MACROD2: variants seen among roughly 807,000 people sequenced by gnomAD.
The protein encoded by MACROD2 is ADP-ribose glycohydrolase MACROD2.
A neutral mutation model predicts 70.4 loss-of-function variants in MACROD2; 36 were observed. The ratio of observed to expected loss-of-function variants is 0.51; its 90% CI spans 0.39 to 0.68. The LOEUF (loss-of-function observed/expected upper bound fraction) is 0.68. Ranked by LOEUF, MACROD2 falls within the 30% of genes least tolerant of loss-of-function variation. The pLI is 0.00. For synonymous variants in MACROD2, 172 were observed against 178.8 expected (o/e 0.96, Z 0.30); for missense variants, 496 against 538.4 (o/e 0.92, Z 0.78).
chr20:14,572,053 G>C (rs1471836990), intron 4 of MACROD2, among the ~76,000 whole-genome samples: 1 of 152,012 alleles, frequency 6.6e-6, no homozygotes, highest in Non-Finnish European at 1.5e-5. Flanking sequence ...TAGGATCCCA[G>C]ACCTCTTGAC....
At chr20:15,095,452 A>G (rs1024346123) in intron 5 of MACROD2, among the ~76,000 whole-genome samples, 4 of 151,926 alleles carry the variant, frequency 2.6e-5, no homozygotes, top group Non-Finnish European at 5.9e-5. Flanking sequence ...TCATGTTTTT[A>G]ACAGGGATTT....
intron 6 of MACROD2, among the ~76,000 whole-genome samples, chr20:15,407,986 T>C (rs1234096207): frequency 1.3e-5 from 2 of 152,182 alleles, no homozygotes; most frequent in East Asian, 3.9e-4. Context: ...GTGTCCTCCA[T>C]GCTGCGAAAT....
chr20:14,623,277 A>G (rs1983939071), intron 4 of MACROD2, among the ~76,000 whole-genome samples: 1 of 151,942 alleles, frequency 6.6e-6, no homozygotes, highest in Non-Finnish European at 1.5e-5. Flanking sequence ...TGGGTCTGCT[A>G]TGGAAGGAAG....
rs1164170837 is a variant in MACROD2 at position 14,891,165 on chromosome 20, AT to A, written c.418+206213del. Reference sequence around the variant, plus strand: ...ATGATTTTAATGAATCCCTTTGGGAATTTTTTTAAACTCTTGGAAGATTTTC... The same window carrying A: ...ATGATTTTAATGAATCCCTTTGGGAATTTTTTAAACTCTTGGAAGATTTTC... On this transcript the variant is annotated intron_variant, in intron 5 of 17. Transcript: ENST00000684519. Among the ~76,000 whole-genome samples the A allele has an allele frequency of 7.2e-5, 11 of 151,950 alleles. No homozygotes were observed. In the South Asian group the frequency reaches 8.3e-4, roughly 11 times the overall value.
chr20:14,078,436 C>T (rs1401617183), intron 2 of MACROD2, among the ~76,000 whole-genome samples: 2 of 151,980 alleles, frequency 1.3e-5, no homozygotes, highest in South Asian at 2.1e-4. Flanking sequence ...GATGAAGTCT[C>T]GCTCTTATCC....
intron 8 of MACROD2, among the ~76,000 whole-genome samples, chr20:15,855,348 T>C (rs2064345036): frequency 6.6e-6 from 1 of 152,214 alleles, no homozygotes; most frequent in Non-Finnish European, 1.5e-5. Flanking sequence ...GTGAAAGACA[T>C]ACATCTTTAC....
intron 5 of MACROD2, among the ~76,000 whole-genome samples, chr20:15,227,627 A>T (rs79456634): frequency 0.018 from 2,766 of 152,202 alleles, 83 homozygotes; most frequent in African/African-American, 0.063. Flanking sequence ...TGGCCCTGAA[A>T]CAACATTTCC....
chr20:14,193,084 A>G (rs746452113), intron 3 of MACROD2, among the ~76,000 whole-genome samples: 5 of 152,218 alleles, frequency 3.3e-5, no homozygotes, highest in African/African-American at 1.2e-4. Flanking sequence ...CAAATATCTT[A>G]TCTTCAATAC....
intron 5 of MACROD2, among the ~76,000 whole-genome samples, chr20:15,120,065 G>T (rs542343099): frequency 6.6e-6 from 1 of 152,270 alleles, no homozygotes; most frequent in Non-Finnish European, 1.5e-5. Flanking sequence ...TAATAAAGTT[G>T]CTGCTGCTTG....
chr20:15,021,107 T>C (rs1260666017), intron 5 of MACROD2, among the ~76,000 whole-genome samples: 1 of 124,562 alleles, frequency 8.0e-6, no homozygotes, highest in African/African-American at 3.3e-5. Flanking sequence ...TGTATACACG[T>C]GTATGTGTAT....
intron 5 of MACROD2, among the ~76,000 whole-genome samples, chr20:14,914,848 C>T (rs1268117511): frequency 6.6e-6 from 1 of 152,104 alleles, no homozygotes; most frequent in African/African-American, 2.4e-5. Context: ...GTTGTTTTGG[C>T]TGCTTTTGTA....
chr20:14,080,033 G>A (rs1373394657), intron 2 of MACROD2, among the ~76,000 whole-genome samples: 1 of 152,124 alleles, frequency 6.6e-6, no homozygotes, highest in Non-Finnish European at 1.5e-5. Context: ...GCAGGTCCAG[G>A]AAGCTTAGGA....
intron 6 of MACROD2, among the ~76,000 whole-genome samples, chr20:15,263,264 T>A (rs562699833): frequency 1.1e-4 from 16 of 151,944 alleles, no homozygotes; most frequent in Non-Finnish European, 4.4e-5. Context: ...TATATAGATA[T>A]TCAGTTTTCC....
intron 3 of MACROD2, among the ~76,000 whole-genome samples, chr20:14,463,941 T>A (rs1004817249): frequency 1.3e-5 from 2 of 152,030 alleles, no homozygotes; most frequent in African/African-American, 4.8e-5. Flanking sequence ...TTTGCCAGTA[T>A]TTTATTGAGG....
intron 5 of MACROD2, among the ~76,000 whole-genome samples, chr20:14,730,033 C>T (rs888654600): frequency 3.3e-5 from 5 of 151,876 alleles, no homozygotes; most frequent in South Asian, 4.2e-4. Context: ...AAGAGCACAA[C>T]GTGGATGAAC....
intron 3 of MACROD2, among the ~76,000 whole-genome samples, chr20:14,343,051 C>T (rs1271068636): frequency 6.6e-6 from 1 of 152,008 alleles, no homozygotes; most frequent in Admixed American, 6.6e-5. Context: ...TAGTAAAAGT[C>T]ACGGGGTGTG....
intron 3 of MACROD2, among the ~76,000 whole-genome samples, chr20:14,244,360 T>C (rs1478818135): frequency 6.6e-6 from 1 of 152,094 alleles, no homozygotes; most frequent in Admixed American, 6.5e-5. Context: ...ACTTCAAAAT[T>C]ATCCAGTTAT....
At chr20:15,180,287 G>C (rs1328928292) in intron 5 of MACROD2, among the ~76,000 whole-genome samples, 2 of 152,176 alleles carry the variant, frequency 1.3e-5, no homozygotes, top group African/African-American at 4.8e-5. Context: ...TGATTACAAG[G>C]AACCTGAAAA....
chr20:15,282,513 C>T (rs2077454913), intron 6 of MACROD2, among the ~76,000 whole-genome samples: 1 of 152,194 alleles, frequency 6.6e-6, no homozygotes, highest in South Asian at 2.1e-4. Context: ...GATTCCCTAA[C>T]TCATTTCTCT....
Sources: allele counts gnomAD v4.1 joint callset (sites outside exome capture counted in the v4.1 genomes callset), GRCh38; gene constraint gnomAD v4.1.1; transcripts MANE v1.5; gene names NCBI Gene and HGNC (gene_info 2026-07-23, HGNC 2026-07-21).